IMMT: variants seen among roughly 807,000 people sequenced by gnomAD.
IMMT encodes the protein inner membrane mitochondrial protein.
A neutral mutation model predicts 92.7 loss-of-function variants in IMMT; 40 were observed. The observed-to-expected ratio is 0.43, with a 90% CI of 0.34 to 0.56. IMMT has a LOEUF of 0.56. IMMT is among the 20% of genes least tolerant of loss of function. The pLI, the probability that IMMT is intolerant of heterozygous loss-of-function variation, is 0.03. For missense variants in IMMT, 831 were observed against 912.1 expected (o/e 0.91, Z 1.14); for synonymous variants, 322 against 336.1 (o/e 0.96, Z 0.46).
chr2:86,193,871 A>G (rs930777143), intron 1 of IMMT, among the ~76,000 whole-genome samples: 1 of 152,230 alleles, frequency 6.6e-6, no homozygotes, highest in African/African-American at 2.4e-5. Context: ...TGGGATCCCA[A>G]AAAGTTGACT....
intron 3 of IMMT, among the ~76,000 whole-genome samples, chr2:86,178,063 CCCAGCACT>C (rs1677553871): frequency 1.3e-5 from 2 of 152,144 alleles, no homozygotes; most frequent in Non-Finnish European, 2.9e-5. Context: ...AGCCTGTAAT[CCCAGCACT>C]TTGGGAGGCA....
chr2:86,149,139 CAG>C (rs1302000873), intron 12 of IMMT, among the ~76,000 whole-genome samples: 17 of 152,194 alleles, frequency 1.1e-4, no homozygotes, highest in Non-Finnish European at 1.5e-4. Flanking sequence ...GGCAACATAA[CAG>C]AAAGTAATAC....
In IMMT at chr2:86,148,452, C is replaced by CA. The variant is rs201320183; in HGVS notation, c.1402-620dup. Among the ~76,000 whole-genome samples, 220 of 147,484 alleles carry CA rather than the reference C, an allele frequency of 1.5e-3. 1 individual carries two copies. The highest frequency in any genetic ancestry group is 0.013 in the East Asian group (65 of 5,086). On this transcript the variant is annotated intron_variant, in intron 12 of 14. Transcript: ENST00000410111. ...TGAAACCCCATCTCTACTAAAAATA[C>CA]AAAAAAAAAATTAGCCGGGTGTGGT...
chr2:86,147,898 A>G (rs1675145074), intron 12 of IMMT, 65 bp from the exon 13 acceptor site: 2 of 1,520,472 alleles, frequency 1.3e-6, no homozygotes, highest in Non-Finnish European at 1.8e-6. Context: ...GGAAAACAGA[A>G]AGACCACTAT....
chr2:86,190,504 C>T (rs1162821771), intron 1 of IMMT, among the ~76,000 whole-genome samples: 1 of 152,206 alleles, frequency 6.6e-6, no homozygotes, highest in African/African-American at 2.4e-5. Context: ...AGCCCATGTC[C>T]TCCAAACTCA....
intron 12 of IMMT, 28 bp downstream of exon 12, chr2:86,151,269 G>A: frequency 6.5e-7 from 1 of 1,535,258 alleles, no homozygotes; most frequent in Non-Finnish European, 9.0e-7. Context: ...CACTTTAAAT[G>A]TTAGGCAACA....
intron 12 of IMMT, among the ~76,000 whole-genome samples, chr2:86,148,102 C>T (rs1160439531): frequency 6.6e-6 from 1 of 152,186 alleles, no homozygotes; most frequent in African/African-American, 2.4e-5. Context: ...TCCACATCAC[C>T]AGGCTGCCTC....
chr2:86,171,545 T>A (rs993644459), intron 4 of IMMT, 200 bp from the exon 5 acceptor site: 1 of 548,522 alleles, frequency 1.8e-6, no homozygotes, highest in Non-Finnish European at 3.3e-6. Flanking sequence ...TGGACAATGG[T>A]TGGGAACGAA....
chr2:86,175,048 G>C (rs944291771), intron 3 of IMMT, among the ~76,000 whole-genome samples: 5 of 152,188 alleles, frequency 3.3e-5, no homozygotes, highest in Non-Finnish European at 7.4e-5. Flanking sequence ...TAAGGTTCTA[G>C]TGATTCACAT....
intron 4 of IMMT, among the ~76,000 whole-genome samples, chr2:86,172,547 A>T (rs1677169367): frequency 6.6e-6 from 1 of 152,074 alleles, no homozygotes; most frequent in South Asian, 2.1e-4. Flanking sequence ...TGCCCAGGCT[A>T]CTTTCAAACT....
At chr2:86,171,957 ATATTTTTT>A (rs375749143) in intron 4 of IMMT, among the ~76,000 whole-genome samples, 2,230 of 133,498 alleles carry the variant, frequency 0.017, 74 homozygotes, top group African/African-American at 0.054. Flanking sequence ...TGTGTGTAGT[ATATTTTTT>A]TTTTTTTTTT....
At chr2:86,171,860 A>ATTTTTTT (rs375045380) in intron 4 of IMMT, among the ~76,000 whole-genome samples, 3 of 112,538 alleles carry the variant, frequency 2.7e-5, no homozygotes, top group African/African-American at 8.9e-5. Context: ...ATATATATAT[A>ATTTTTTT]TATTTTTTGC....
intron 10 of IMMT, among the ~76,000 whole-genome samples, chr2:86,158,039 T>C (rs1277041880): frequency 3.3e-5 from 5 of 152,206 alleles, no homozygotes; most frequent in African/African-American, 1.2e-4. Flanking sequence ...GAAATGTGAC[T>C]ATAGCTACAC....
rs1278172970 is a variant in IMMT at position 86,144,115 on chromosome 2, A to G, written c.*153T>C. The G allele has an allele frequency of 8.9e-6, 7 of 788,746 alleles. No individual in the cohort carries two copies. The highest frequency in any genetic ancestry group is 2.9e-5 in the Admixed American group (1 of 34,236). The allele number at this position is 788,746 out of a possible 1,614,324, so 48.9% of individuals were successfully genotyped here. On this transcript the variant is annotated 3_prime_UTR_variant, in exon 15 of 15. Transcript: ENST00000410111. ...TTCACTGACATGATAGCAAATGGAAAGAATATAAATGCAACAGGTGTTAAC... is the reference window on the plus strand; with the variant it reads ...TTCACTGACATGATAGCAAATGGAAGGAATATAAATGCAACAGGTGTTAAC...
chr2:86,144,220 T>C lies in IMMT; in HGVS notation c.*48A>G. On this transcript the variant is annotated 3_prime_UTR_variant, in exon 15 of 15. Coordinates refer to ENST00000410111, the MANE Select transcript of IMMT (RefSeq NM_006839.3). The stretch of plus-strand genomic sequence containing the variant: ...CTGCGAACCCTTCATCTATCACTGC[T>C]GATTTCCTTTGACATGAAATATGAC... 1 of 1,600,816 alleles carries C rather than the reference T, an allele frequency of 6.2e-7. No homozygotes were observed. The highest frequency in any genetic ancestry group is 2.2e-5 in the East Asian group (1 of 44,718).
At chr2:86,157,021 C>T (rs1255908887) in intron 10 of IMMT, among the ~76,000 whole-genome samples, 1 of 152,176 alleles carries the variant, frequency 6.6e-6, no homozygotes, top group African/African-American at 2.4e-5. Context: ...CAATGAGGCA[C>T]AGACAACCCC....
At chr2:86,164,412 A>T (rs1398414754) in intron 7 of IMMT, among the ~76,000 whole-genome samples, 2 of 151,696 alleles carry the variant, frequency 1.3e-5, no homozygotes, top group Non-Finnish European at 2.9e-5. Context: ...ATTTGGGGCC[A>T]GGCATGGTGG....
intron 1 of IMMT, among the ~76,000 whole-genome samples, chr2:86,190,774 C>T (rs1452254059): frequency 2.0e-5 from 3 of 152,106 alleles, no homozygotes; most frequent in African/African-American, 4.8e-5. Flanking sequence ...CAGATCACGA[C>T]GTCAGGAGAT....
At chr2:86,172,126 C>T (rs6547662) in intron 4 of IMMT, among the ~76,000 whole-genome samples, 69,754 of 151,686 alleles carry the variant, frequency 0.46, 16,576 homozygotes, top group Non-Finnish European at 0.51. Flanking sequence ...TACCACCACA[C>T]CTGGCTGATT....
Sources: allele counts gnomAD v4.1 joint callset (sites outside exome capture counted in the v4.1 genomes callset), GRCh38; gene constraint gnomAD v4.1.1; transcripts MANE v1.5; gene names NCBI Gene and HGNC (gene_info 2026-07-23, HGNC 2026-07-21).